The following GABRA5 variants were observed in gnomAD, a reference collection of about 807,000 sequenced individuals.
GABRA5 encodes gamma-aminobutyric acid type A receptor subunit alpha5, also known as gamma-aminobutyric acid receptor subunit alpha-5.
Under a neutral mutation model 47.3 loss-of-function variants are expected in GABRA5, and 18 were observed. The observed-to-expected ratio is 0.38, with a 90% confidence interval of 0.26 to 0.56. The LOEUF is 0.56. GABRA5 is among the 20% of genes least tolerant of loss of function. GABRA5 has a pLI of 0.71. For missense variants in GABRA5, 365 were observed against 599.3 expected (o/e 0.61, Z 4.08); for synonymous variants, 237 against 229.3 (o/e 1.03, Z -0.30).
chr15:26,916,063 T>G (rs1484848364), intron 7 of GABRA5, among the ~76,000 whole-genome samples: 1 of 152,312 alleles, frequency 6.6e-6, no homozygotes, highest in South Asian at 2.1e-4. Flanking sequence ...TTGTCAAATA[T>G]TAATATTGCC....
intron 10 of GABRA5, among the ~76,000 whole-genome samples, chr15:26,947,168 T>A (rs1341946978): frequency 6.6e-6 from 1 of 152,192 alleles, no homozygotes; most frequent in Non-Finnish European, 1.5e-5. Context: ...AGGGGGCAAG[T>A]CCTAATTCCG....
intron 6 of GABRA5, among the ~76,000 whole-genome samples, chr15:26,894,291 A>C (rs1450429192): frequency 6.6e-6 from 1 of 152,160 alleles, no homozygotes; most frequent in African/African-American, 2.4e-5. Flanking sequence ...CTAGCAACGC[A>C]AACCTCGACT....
Position 26,872,890 on chromosome 15 carries a change from A to T in GABRA5, c.86+3556A>T, listed in dbSNP as rs8042104. Among the ~76,000 whole-genome samples, 3 of 152,050 alleles carry T rather than the reference A, an allele frequency of 2.0e-5. No individual in the cohort carries two copies. The South Asian group carries it at 6.2e-4, about 31-fold the overall frequency. ...GCAATGTACTTGGTGATTATATAGG[A>T]TAACTGATATGAAATTGCTTTGAAA... On this transcript the variant is annotated intron_variant, in intron 3 of 10. Coordinates refer to ENST00000335625, the MANE Select transcript of GABRA5 (RefSeq NM_000810.4).
chr15:26,885,298 C>CA (rs56883238), intron 6 of GABRA5, among the ~76,000 whole-genome samples: 42,190 of 105,310 alleles, frequency 0.4, 6,865 homozygotes, highest in African/African-American at 0.44. Context: ...GACTCCGTTT[C>CA]AAAAAAAAAA....
chr15:26,872,882 T>C (rs8026068), intron 3 of GABRA5, among the ~76,000 whole-genome samples: 51,925 of 152,088 alleles, frequency 0.34, 8,870 homozygotes, highest in East Asian at 0.38. Context: ...ACTTGGTGAT[T>C]ATATAGGATA....
At chr15:26,889,575 T>C (rs1358854984) in intron 6 of GABRA5, among the ~76,000 whole-genome samples, 1 of 152,222 alleles carries the variant, frequency 6.6e-6, no homozygotes, top group Non-Finnish European at 1.5e-5. Context: ...CTTGGATACA[T>C]ACATATCTGG....
chr15:26,940,040 G>T lies in GABRA5; in HGVS notation c.840G>T (p.Trp280Cys). The T allele has an allele frequency of 6.2e-7, 1 of 1,613,754 alleles. No homozygotes were observed. The highest frequency in any genetic ancestry group is 8.5e-7 in the Non-Finnish European group (1 of 1,179,824). The change falls in exon 9 of 11, where the codon TGG (tryptophan) becomes TGT (cysteine). Residue 280 changes from tryptophan (W) to cysteine (C), a missense_variant. Around this residue, in one of 3 missense-constraint regions of GABRA5, gnomAD observed 43 missense variants for 133.7 expected, o/e 0.32. Coordinates refer to ENST00000335625, the MANE Select transcript of GABRA5 (RefSeq NM_000810.4). ...MTVILSQVSF[W>C]LNRESVPART... ...TGATCTTATCACAGGTGTCCTTTTG[G>T]CTGAACCGGGAATCAGTCCCAGCCA...
intron 9 of GABRA5, among the ~76,000 whole-genome samples, chr15:26,941,931 G>T (rs932246933): frequency 2.0e-5 from 3 of 152,156 alleles, no homozygotes; most frequent in African/African-American, 7.2e-5. Context: ...TCCAAATAAG[G>T]CTGTAATCTA....
chr15:26,923,437 C>G (rs1219305769), intron 7 of GABRA5, among the ~76,000 whole-genome samples: 2 of 152,158 alleles, frequency 1.3e-5, no homozygotes, highest in Non-Finnish European at 2.9e-5. Context: ...CTCCAGGTTT[C>G]TGATGAGAAA....
intron 6 of GABRA5, among the ~76,000 whole-genome samples, chr15:26,891,830 C>G (rs974846999): frequency 6.6e-6 from 1 of 152,220 alleles, no homozygotes; most frequent in Admixed American, 6.5e-5. Flanking sequence ...CATCCCTCCC[C>G]TCCCGGCCAG....
At chr15:26,887,924 C>G (rs1009520359) in intron 6 of GABRA5, among the ~76,000 whole-genome samples, 1 of 152,016 alleles carries the variant, frequency 6.6e-6, no homozygotes, top group Non-Finnish European at 1.5e-5. Context: ...CATTCAAAAC[C>G]CTCTCTTCTA....
chr15:26,939,373 A>G (rs759171404), intron 8 of GABRA5: 2 of 765,182 alleles, frequency 2.6e-6, no homozygotes, highest in Middle Eastern at 2.3e-4. Flanking sequence ...AACAGGCGAC[A>G]CCTCTCTGGT....
intron 6 of GABRA5, among the ~76,000 whole-genome samples, chr15:26,912,133 A>G (rs1276388155): frequency 6.6e-6 from 1 of 152,162 alleles, no homozygotes; most frequent in Non-Finnish European, 1.5e-5. Flanking sequence ...ATCGCAAAGC[A>G]TGCCTCTCCT....
chr15:26,871,238 T>C (rs1892464855), intron 3 of GABRA5, among the ~76,000 whole-genome samples: 1 of 152,162 alleles, frequency 6.6e-6, no homozygotes, highest in South Asian at 2.1e-4. Context: ...AAACAAAATC[T>C]TAGCCAAATG....
Position 26,910,597 on chromosome 15 carries a change from CAAAAA to C in GABRA5, c.498-4194_498-4190del, listed in dbSNP as rs34894641. ...CCTGGGTGACAGAACGAGACTCCAT[CAAAAA>C]AAAAAAAAAAATCCCATTTCCTTAT... is the stretch of plus-strand genomic sequence containing the variant. On this transcript the variant is annotated intron_variant, in intron 6 of 10. Transcript: ENST00000335625. Among the ~76,000 whole-genome samples, 26 of 146,640 alleles carry C rather than the reference CAAAAA, an allele frequency of 1.8e-4. 1 individual carries two copies. Among genetic ancestry groups the C allele is most frequent in the African/African-American group, 5.0e-4 (20 of 40,114 alleles).
intron 10 of GABRA5, among the ~76,000 whole-genome samples, chr15:26,946,314 G>C (rs1382488724): frequency 1.3e-5 from 2 of 152,050 alleles, no homozygotes; most frequent in Non-Finnish European, 2.9e-5. Context: ...ATACAGCAAT[G>C]TTTAAAGAGG....
At chr15:26,900,463 G>C (rs1302818213) in intron 6 of GABRA5, among the ~76,000 whole-genome samples, 1 of 152,018 alleles carries the variant, frequency 6.6e-6, no homozygotes, top group Non-Finnish European at 1.5e-5. Context: ...TCTGCCTAAA[G>C]GATTCCTTTG....
chr15:26,904,803 A>G (rs1397873065), intron 6 of GABRA5, among the ~76,000 whole-genome samples: 1 of 151,854 alleles, frequency 6.6e-6, no homozygotes, highest in Admixed American at 6.6e-5. Context: ...CTGATTTTTT[A>G]TATTGATTTT....
At chr15:26,908,224 G>A (rs1442093322) in intron 6 of GABRA5, among the ~76,000 whole-genome samples, 1 of 152,138 alleles carries the variant, frequency 6.6e-6, no homozygotes, top group African/African-American at 2.4e-5. Flanking sequence ...AAACAGGCCT[G>A]TAATCCTTAC....
Sources: allele counts gnomAD v4.1 joint callset (sites outside exome capture counted in the v4.1 genomes callset), GRCh38; gene constraint gnomAD v4.1.1; regional missense constraint gnomAD v4.1.1; transcripts MANE v1.5; gene names NCBI Gene and HGNC (gene_info 2026-07-23, HGNC 2026-07-21).